Variants in P3H2 observed in about 807,000 individuals in gnomAD.
The protein encoded by P3H2 is leprecan-like 1.
P3H2 carries 80 observed loss-of-function variants against 87.0 expected under a neutral mutation model. That is an observed-to-expected ratio of 0.92 (90% confidence interval 0.77 to 1.11). P3H2 has a LOEUF of 1.11. Ranked by LOEUF, P3H2 falls within the 50% of genes least tolerant of loss-of-function variation. The pLI, the probability that P3H2 is intolerant of heterozygous loss-of-function variation, is 0.00. For synonymous variants in P3H2, 367 were observed against 359.3 expected (o/e 1.02, Z -0.24); for missense variants, 1,001 against 923.9 (o/e 1.08, Z -1.08).
At chr3:190,069,047 C>A (rs1371435353) in intron 1 of P3H2, among the ~76,000 whole-genome samples, 1 of 152,082 alleles carries the variant, frequency 6.6e-6, no homozygotes, top group Non-Finnish European at 1.5e-5. Flanking sequence ...ACAGGCGGCA[C>A]CTTAGCTCAT....
At chr3:190,098,877 C>G (rs2108990355) in intron 1 of P3H2, among the ~76,000 whole-genome samples, 1 of 152,274 alleles carries the variant, frequency 6.6e-6, no homozygotes, top group Admixed American at 6.5e-5. Flanking sequence ...CATACAAGCT[C>G]TTCATTGGAT....
chr3:189,988,819 A>G, intron 4 of P3H2, 88 bp downstream of exon 4: 1 of 1,481,902 alleles, frequency 6.7e-7, no homozygotes, highest in Admixed American at 1.7e-5. Context: ...AAACTGAAGA[A>G]GTCAGAAAAC....
chr3:189,987,846 C>T, intron 4 of P3H2, 177 bp from the exon 5 acceptor site: 1 of 711,048 alleles, frequency 1.4e-6, no homozygotes, highest in East Asian at 2.8e-5. Flanking sequence ...GACATGATTT[C>T]AAGTATTCAA....
chr3:190,028,094 C>T (rs1725139517), intron 1 of P3H2, among the ~76,000 whole-genome samples: 1 of 152,070 alleles, frequency 6.6e-6, no homozygotes, highest in Non-Finnish European at 1.5e-5. Flanking sequence ...AATAAGTTCC[C>T]TCTATTTCCA....
At chr3:190,105,245 G>C (rs1427024527) in intron 1 of P3H2, among the ~76,000 whole-genome samples, 1 of 152,190 alleles carries the variant, frequency 6.6e-6, no homozygotes, top group Non-Finnish European at 1.5e-5. Context: ...ATAGTGTGAG[G>C]AAAGTCTTTC....
intron 1 of P3H2, among the ~76,000 whole-genome samples, chr3:190,060,967 T>C (rs189626198): frequency 7.2e-5 from 11 of 152,254 alleles, no homozygotes; most frequent in Admixed American, 4.6e-4. Flanking sequence ...AATTTTGTTA[T>C]GTGTAGATTG....
chr3:190,070,064 G>A (rs937668373), intron 1 of P3H2, among the ~76,000 whole-genome samples: 3 of 151,980 alleles, frequency 2.0e-5, no homozygotes, highest in East Asian at 1.9e-4. Flanking sequence ...TGGCAATCAC[G>A]TGGTGGCTAT....
intron 1 of P3H2, among the ~76,000 whole-genome samples, chr3:190,029,288 C>A (rs1725181264): frequency 6.6e-6 from 1 of 152,154 alleles, no homozygotes; most frequent in Non-Finnish European, 1.5e-5. Flanking sequence ...CAGTCTCATG[C>A]TGGTAATTAC....
intron 1 of P3H2, among the ~76,000 whole-genome samples, chr3:190,119,375 T>C (rs1367116264): frequency 2.0e-5 from 3 of 152,094 alleles, no homozygotes; most frequent in African/African-American, 7.2e-5. Context: ...GAGTGTCAAT[T>C]TGAAGGAAAA....
chr3:190,001,651 C>T (rs1167032991), intron 1 of P3H2, among the ~76,000 whole-genome samples: 1 of 152,164 alleles, frequency 6.6e-6, no homozygotes, highest in Admixed American at 6.5e-5. Context: ...AGCATAAGCA[C>T]AACAGCTAGA....
At chr3:190,066,216 T>C (rs1447611877) in intron 1 of P3H2, among the ~76,000 whole-genome samples, 1 of 151,468 alleles carries the variant, frequency 6.6e-6, no homozygotes, top group Non-Finnish European at 1.5e-5. Flanking sequence ...AATATGGATA[T>C]ATACATGTGG....
chr3:190,043,000 A>C (rs538386770), intron 1 of P3H2, among the ~76,000 whole-genome samples: 2 of 152,196 alleles, frequency 1.3e-5, no homozygotes, highest in African/African-American at 4.8e-5. Flanking sequence ...TTCCTAAACT[A>C]ATTTCCAGTA....
chr3:190,052,266 G>A (rs946609198), intron 1 of P3H2, among the ~76,000 whole-genome samples: 4 of 151,766 alleles, frequency 2.6e-5, no homozygotes, highest in Admixed American at 6.6e-5. Context: ...GACAAGCCCC[G>A]GTGTGTGATG....
chr3:190,057,579 A>G (rs34578047), intron 1 of P3H2, among the ~76,000 whole-genome samples: 44,276 of 151,950 alleles, frequency 0.29, 6,598 homozygotes, highest in Middle Eastern at 0.36. Flanking sequence ...AGAGTTTCAT[A>G]TAGATTTCTA....
rs1023256806 is a variant in P3H2 at position 190,085,968 on chromosome 3, T to C, written c.480+34284A>G. Among the ~76,000 whole-genome samples the C allele has an allele frequency of 5.9e-5, 9 of 152,296 alleles. 1 individual carries two copies. Among genetic ancestry groups the C allele is most frequent in the Admixed American group, 6.5e-5 (1 of 15,286 alleles). On this transcript the variant is annotated intron_variant, in intron 1 of 14. Transcript: ENST00000319332. ...GGTAAAGAGAGATGGGAATATTCCA[T>C]TGGGTGCAGCAAAATTTACTAAAAG...
chr3:189,977,264 G>T (rs1723379208), intron 8 of P3H2, among the ~76,000 whole-genome samples: 2 of 152,186 alleles, frequency 1.3e-5, no homozygotes, highest in South Asian at 4.2e-4. Flanking sequence ...ACATGAAATT[G>T]CAACTTCTCT....
intron 1 of P3H2, among the ~76,000 whole-genome samples, chr3:190,074,580 A>T (rs1726809228): frequency 6.6e-6 from 1 of 151,834 alleles, no homozygotes; most frequent in South Asian, 2.1e-4. Flanking sequence ...CATCACTGTA[A>T]AAAAAAAGAT....
chr3:190,113,545 C>T (rs542509779), intron 1 of P3H2, among the ~76,000 whole-genome samples: 26 of 152,258 alleles, frequency 1.7e-4, no homozygotes, highest in African/African-American at 6.3e-4. Context: ...CTTAGCAATA[C>T]AAAAGAATAG....
chr3:189,970,553 T>C (rs1723147758), intron 13 of P3H2, among the ~76,000 whole-genome samples: 1 of 151,856 alleles, frequency 6.6e-6, no homozygotes, highest in South Asian at 2.1e-4. Flanking sequence ...TAGGTTTTGG[T>C]TCCAAGTCTA....
Sources: allele counts gnomAD v4.1 joint callset (sites outside exome capture counted in the v4.1 genomes callset), GRCh38; gene constraint gnomAD v4.1.1; transcripts MANE v1.5; gene names NCBI Gene and HGNC (gene_info 2026-07-23, HGNC 2026-07-21).